The following TMIGD3 variants were observed in gnomAD, a reference collection of about 807,000 sequenced individuals.
The protein encoded by TMIGD3 is transmembrane and immunoglobulin domain containing 3.
Under a neutral mutation model 28.1 loss-of-function variants are expected in TMIGD3, and 21 were observed. The observed-to-expected ratio is 0.75, with a 90% CI of 0.53 to 1.08. The LOEUF is 1.08. Among genes scored for constraint, TMIGD3 ranks in the 50% least tolerant of loss-of-function variants. TMIGD3 has a pLI of 0.00. For synonymous variants in TMIGD3, 151 were observed against 162.1 expected, an observed-to-expected ratio of 0.93 and a Z score of 0.52; for missense variants, 416 against 435.6, an observed-to-expected ratio of 0.96 and a Z score of 0.40.
In TMIGD3 at chr1:111,488,787, C is replaced by A; in HGVS notation, c.695G>T (p.Trp232Leu). 1.2e-6 allele frequency: 2 copies of A among 1,614,172 alleles called. No homozygotes were observed. The highest frequency in any genetic ancestry group is 1.7e-6 in the Non-Finnish European group (2 of 1,180,032). Residue 232 changes from tryptophan (W) to leucine (L), a missense_variant, in exon 3 of 6, where the codon TGG becomes TTG. By Grantham distance (61) the Trp-to-Leu change is moderately conservative (BLOSUM62 -2). Transcript: ENST00000369716. ...GTCCCGCTGGATGCCACACCAGTACCAGCCCGTGTCCTCTTTGGTCAGGCA... is the reference window on the plus strand; with the variant it reads ...GTCCCGCTGGATGCCACACCAGTACAAGCCCGTGTCCTCTTTGGTCAGGCA... ...MSCLTKEDTG[W>L]YWCGIQRDFA...
chr1:111,488,532 G>T, intron 3 of TMIGD3, 145 bp downstream of exon 3: 1 of 688,218 alleles, frequency 1.5e-6, no homozygotes, highest in Non-Finnish European at 2.4e-6. Context: ...CCCTATGTTT[G>T]CCGGAGGAAG....
At chr1:111,515,784 T>G (rs568015351) in intron 1 of TMIGD3, among the ~76,000 whole-genome samples, 2 of 152,302 alleles carry the variant, frequency 1.3e-5, no homozygotes, top group Admixed American at 1.3e-4. Flanking sequence ...TCGACCTGAT[T>G]CATCCAAGAC....
chr1:111,508,117 C>T (rs948225683), upstream of TMIGD3, among the ~76,000 whole-genome samples: 5 of 152,220 alleles, frequency 3.3e-5, no homozygotes, highest in South Asian at 4.1e-4. Flanking sequence ...GGTCAAGGTT[C>T]CTTCACTCTG....
At chr1:111,528,141 T>C (rs1457120184) in intron 1 of TMIGD3, among the ~76,000 whole-genome samples, 3 of 152,218 alleles carry the variant, frequency 2.0e-5, no homozygotes, top group Non-Finnish European at 4.4e-5. Context: ...TTGCATTTTA[T>C]GTTTAAGTTT....
upstream of TMIGD3, among the ~76,000 whole-genome samples, chr1:111,507,877 C>T (rs1250991766): frequency 6.6e-6 from 1 of 152,238 alleles, no homozygotes; most frequent in Non-Finnish European, 1.5e-5. Context: ...TTCCTAGGCC[C>T]CTCCCCCACC....
chr1:111,490,838 C>T, intron 1 of TMIGD3, 76 bp from the exon 2 acceptor site: 1 of 1,011,808 alleles, frequency 9.9e-7, no homozygotes, highest in Non-Finnish European at 1.5e-6. Flanking sequence ...AAAAGGGAAA[C>T]AACCAGTTAG....
intron 1 of TMIGD3, among the ~76,000 whole-genome samples, chr1:111,497,072 G>C (rs891885127): frequency 5.9e-5 from 9 of 152,146 alleles, no homozygotes; most frequent in Non-Finnish European, 1.3e-4. Flanking sequence ...GAGAGAGCAA[G>C]CCAGAAGAGG....
intron 1 of TMIGD3, chr1:111,542,368 A>T (rs974572490): frequency 3.7e-6 from 1 of 268,412 alleles, no homozygotes; most frequent in Non-Finnish European, 7.9e-6. Context: ...GGACTGTGCC[A>T]GCTGAGAGGT....
chr1:111,545,329 G>T (rs1489160003), intron 1 of TMIGD3, among the ~76,000 whole-genome samples: 1 of 152,026 alleles, frequency 6.6e-6, no homozygotes, highest in Admixed American at 6.5e-5. Context: ...TGGATGTGAA[G>T]TGGTATCTCA....
chr1:111,557,133 G>A (rs1657526754), intron 1 of TMIGD3, among the ~76,000 whole-genome samples: 2 of 152,140 alleles, frequency 1.3e-5, no homozygotes, highest in South Asian at 4.1e-4. Context: ...ACCTACAGAG[G>A]AATGATATTT....
upstream of TMIGD3, among the ~76,000 whole-genome samples, chr1:111,506,876 A>AT: frequency 6.8e-6 from 1 of 146,728 alleles, no homozygotes; most frequent in East Asian, 2.0e-4. Context: ...TCAAGGTACA[A>AT]TTTTTTTCTT....
At chr1:111,520,755 A>G (rs994822166) in intron 1 of TMIGD3, among the ~76,000 whole-genome samples, 2 of 152,242 alleles carry the variant, frequency 1.3e-5, no homozygotes, top group South Asian at 2.1e-4. Flanking sequence ...TACATTGTAC[A>G]TAGCAATGGT....
At chr1:111,491,305 T>C (rs1354718886) in intron 1 of TMIGD3, among the ~76,000 whole-genome samples, 2 of 152,190 alleles carry the variant, frequency 1.3e-5, no homozygotes, top group South Asian at 2.1e-4. Context: ...TGGCCGCAGT[T>C]TGGGCTGCGG....
chr1:111,558,460 T>G (rs1657597281), intron 1 of TMIGD3, among the ~76,000 whole-genome samples: 1 of 152,146 alleles, frequency 6.6e-6, no homozygotes, highest in Non-Finnish European at 1.5e-5. Context: ...GTGCTGGGAC[T>G]ACAGGCATAA....
chr1:111,510,042 C>T (rs1229751037), intron 1 of TMIGD3, among the ~76,000 whole-genome samples: 1 of 152,238 alleles, frequency 6.6e-6, no homozygotes, highest in East Asian at 1.9e-4. Context: ...CCATTTTGGG[C>T]AGACATTCTT....
At chr1:111,556,069 GACA>G (rs1657480862) in intron 1 of TMIGD3, among the ~76,000 whole-genome samples, 1 of 152,110 alleles carries the variant, frequency 6.6e-6, no homozygotes, top group Non-Finnish European at 1.5e-5. Flanking sequence ...ACTCAACAAT[GACA>G]ACAACAAAAT....
chr1:111,534,753 T>G lies in TMIGD3; in HGVS notation c.107+29093A>C, dbSNP rs539240518. 2.2e-3 allele frequency among the ~76,000 whole-genome samples: 331 copies of G among 152,202 alleles called. 1 individual carries two copies. Among genetic ancestry groups the G allele is most frequent in the Non-Finnish European group, 3.8e-3 (260 of 68,004 alleles). On this transcript the variant is annotated intron_variant, in intron 1 of 5. Transcript: ENST00000369717. ...AGATTTGTGTGTGAGTGTGTGTGTG[T>G]TTTGTGTTTGTGCATGTATGAGAAT...
chr1:111,524,026 T>C (rs1656171085), intron 1 of TMIGD3, among the ~76,000 whole-genome samples: 1 of 125,766 alleles, frequency 8.0e-6, no homozygotes, highest in South Asian at 2.3e-4. Context: ...TTTCTTTCTT[T>C]TCTTTTTTTT....
rs767914781 is a variant in TMIGD3 at position 111,503,333 on chromosome 1, G to C, written c.22C>G (p.Leu8Val). The change falls in exon 1 of 6, where the codon CTG (leucine) becomes GTG (valine). Residue 8 changes from leucine (L) to valine (V), a missense_variant. Leu to Val is a conservative substitution (Grantham distance 32). Transcript: ENST00000369716. MPNNSTA[L>V]SLANVTYITM... ...ATGTAGGTAACATTGGCCAATGACAGAGCAGTGCTGTTGTTGGGCATCTTG... is the reference window on the plus strand; with the variant it reads ...ATGTAGGTAACATTGGCCAATGACACAGCAGTGCTGTTGTTGGGCATCTTG... The C allele has an allele frequency of 6.2e-7, 1 of 1,613,046 alleles. No homozygotes were observed. Among genetic ancestry groups the C allele is most frequent in the Non-Finnish European group, 8.5e-7 (1 of 1,179,310 alleles).
Sources: allele counts gnomAD v4.1 joint callset (sites outside exome capture counted in the v4.1 genomes callset), GRCh38; gene constraint gnomAD v4.1.1; transcripts MANE v1.5; gene names NCBI Gene and HGNC (gene_info 2026-07-23, HGNC 2026-07-21).